GRAMD1C: variants seen among roughly 807,000 people sequenced by gnomAD.
The protein encoded by GRAMD1C is protein Aster-C.
GRAMD1C carries 89 observed loss-of-function variants against 97.8 expected under a neutral mutation model. That is an observed-to-expected ratio of 0.91 (90% confidence interval 0.77 to 1.09). GRAMD1C has a LOEUF of 1.09. GRAMD1C is among the 50% of genes least tolerant of loss of function. GRAMD1C has a pLI of 0.00. For synonymous variants in GRAMD1C, 256 were observed against 267.0 expected (o/e 0.96, Z 0.40); for missense variants, 740 against 766.4 (o/e 0.97, Z 0.41).
chr3:113,831,388 T>C (rs912482350), intron 1 of GRAMD1C, among the ~76,000 whole-genome samples: 1 of 151,326 alleles, frequency 6.6e-6, no homozygotes, highest in African/African-American at 2.4e-5. Context: ...AGATTCAGAG[T>C]ATGCATTTTT....
In GRAMD1C at chr3:113,933,654, G is replaced by C. The variant is rs1357925445; in HGVS notation, c.1352+1G>C. On this transcript the variant is annotated splice_donor_variant, in intron 12 of 17. Transcript: ENST00000358160. LOFTEE classifies it high-confidence loss of function. ...CTTCAAAACAGAAATGCAGGCTAAG[G>C]TGAGCTGCTGTACATGAATGTGTTA... is the stretch of plus-strand genomic sequence containing the variant. 2 of 1,600,074 alleles carry C rather than the reference G, an allele frequency of 1.2e-6. No homozygotes were observed. Among genetic ancestry groups the C allele is most frequent in the East Asian group, 4.5e-5 (2 of 44,758 alleles).
At chr3:113,885,787 A>T in intron 6 of GRAMD1C, 1 of 1,607,142 alleles carries the variant, frequency 6.2e-7, no homozygotes, top group South Asian at 1.1e-5. Context: ...TGCACTTTGC[A>T]GTTGAGCAGC....
chr3:113,935,382 T>C (rs1937557487), intron 13 of GRAMD1C, among the ~76,000 whole-genome samples: 1 of 151,900 alleles, frequency 6.6e-6, no homozygotes. Flanking sequence ...TTGGCAATGG[T>C]AGTATGTACA....
At chr3:113,928,322 C>T (rs1351386536) in intron 10 of GRAMD1C, among the ~76,000 whole-genome samples, 5 of 152,160 alleles carry the variant, frequency 3.3e-5, no homozygotes, top group South Asian at 2.1e-4. Context: ...ACCCAACCCC[C>T]GACACTACCT....
At chr3:113,886,128 G>A in intron 6 of GRAMD1C, 1 of 1,482,390 alleles carries the variant, frequency 6.7e-7, no homozygotes, top group Non-Finnish European at 9.0e-7. Context: ...CCAATGTGAG[G>A]ACTGCCTGGG....
intron 17 of GRAMD1C, among the ~76,000 whole-genome samples, chr3:113,940,846 G>A (rs1007475863): frequency 3.3e-5 from 5 of 152,126 alleles, no homozygotes; most frequent in Admixed American, 6.5e-5. Context: ...TATCTTACTA[G>A]TATTTTTACC....
rs780089602 is a variant in GRAMD1C, at chr3:113,930,871, G to A, written c.1209+39G>A. 18 of 1,023,318 alleles carry A rather than the reference G, an allele frequency of 1.8e-5. No homozygotes were observed. The South Asian group carries it at 2.1e-4, about 12-fold the overall frequency. The allele number at this position is 1,023,318 out of a possible 1,614,324, so 63.4% of individuals were successfully genotyped here. On this transcript the variant is annotated intron_variant, in intron 11 of 17. Transcript: ENST00000358160. ...GTCAGTGTCCAGAAGAGTCATGTGT[G>A]GGGGAAGAGAGAAGATGCCTATTAT...
At chr3:113,891,885 TC>T (rs1935740932) in intron 6 of GRAMD1C, among the ~76,000 whole-genome samples, 1 of 150,320 alleles carries the variant, frequency 6.7e-6, no homozygotes, top group Non-Finnish European at 1.5e-5. Context: ...AGACACTGTC[TC>T]AAAAAAAAAA....
intron 2 of GRAMD1C, among the ~76,000 whole-genome samples, chr3:113,845,420 G>A (rs1214112070): frequency 5.3e-5 from 8 of 152,132 alleles, no homozygotes; most frequent in African/African-American, 1.9e-4. Context: ...GGCTGGGCAC[G>A]ATAGCTCACG....
chr3:113,880,750 A>T (rs1935227922), intron 5 of GRAMD1C, among the ~76,000 whole-genome samples: 1 of 152,172 alleles, frequency 6.6e-6, no homozygotes, highest in Non-Finnish European at 1.5e-5. Context: ...GTATATTTTC[A>T]TATGTAATTC....
chr3:113,893,038 G>A (rs1261956408), intron 6 of GRAMD1C, among the ~76,000 whole-genome samples: 1 of 151,964 alleles, frequency 6.6e-6, no homozygotes, highest in Non-Finnish European at 1.5e-5. Flanking sequence ...AAGTTTTATT[G>A]GAACACAGCC....
At chr3:113,881,816 A>C (rs1480596885) in intron 5 of GRAMD1C, among the ~76,000 whole-genome samples, 1 of 152,238 alleles carries the variant, frequency 6.6e-6, no homozygotes, top group East Asian at 1.9e-4. Context: ...TCTATTTGGA[A>C]GAGATCCTGC....
chr3:113,835,380 C>T (rs147280039), upstream of GRAMD1C, among the ~76,000 whole-genome samples: 251 of 152,328 alleles, frequency 1.6e-3, 1 homozygote, highest in Non-Finnish European at 2.8e-3. Context: ...CAATGCTCTT[C>T]AGCCAAAGTC....
At chr3:113,880,737 T>G in intron 5 of GRAMD1C, among the ~76,000 whole-genome samples, 1 of 152,184 alleles carries the variant, frequency 6.6e-6, no homozygotes, top group South Asian at 2.1e-4. Flanking sequence ...TTAAGCTCTT[T>G]ACGTATATTT....
chr3:113,901,197 C>G (rs1936158664), intron 7 of GRAMD1C, 51 bp downstream of exon 7: 1 of 945,922 alleles, frequency 1.1e-6, no homozygotes, highest in Non-Finnish European at 1.7e-6. Flanking sequence ...TTAATCAAAG[C>G]AGAATTATTT....
intron 1 of GRAMD1C, among the ~76,000 whole-genome samples, chr3:113,830,954 G>A (rs1709549901): frequency 6.6e-6 from 1 of 152,134 alleles, no homozygotes; most frequent in African/African-American, 2.4e-5. Flanking sequence ...AATTGGCCTG[G>A]CATGATGGTA....
chr3:113,882,141 A>C (rs2107399242), intron 5 of GRAMD1C, among the ~76,000 whole-genome samples: 1 of 152,320 alleles, frequency 6.6e-6, no homozygotes, highest in East Asian at 1.9e-4. Flanking sequence ...ATGACTTTGC[A>C]AAAATCAATT....
intron 10 of GRAMD1C, chr3:113,919,531 A>C (rs1018069343): frequency 1.8e-6 from 1 of 550,282 alleles, no homozygotes; most frequent in South Asian, 1.4e-5. Context: ...TGACTCAGAG[A>C]AGAAGTTATG....
chr3:113,941,552 G>C (rs552822754), intron 17 of GRAMD1C, among the ~76,000 whole-genome samples: 1 of 150,650 alleles, frequency 6.6e-6, no homozygotes, highest in African/African-American at 2.4e-5. Context: ...TTCAGTTTTC[G>C]CTAACAAATT....
Sources: gnomAD v4.1 joint callset for allele counts (sites outside exome capture counted in the v4.1 genomes callset) on GRCh38, gnomAD v4.1.1 for gene constraint, MANE v1.5 for transcripts, NCBI Gene and HGNC (gene_info 2026-07-23, HGNC 2026-07-21) for gene names.